Variants in HOMER2 observed in about 807,000 individuals in gnomAD.
HOMER2 encodes the protein homer protein homolog 2.
Under a neutral mutation model 47.0 loss-of-function variants are expected in HOMER2, and 27 were observed. The observed-to-expected ratio is 0.57, with a 90% confidence interval of 0.42 to 0.79. The LOEUF (loss-of-function observed/expected upper bound fraction) is 0.79. Ranked by LOEUF, HOMER2 falls within the 30% of genes least tolerant of loss-of-function variation. The pLI, the probability that HOMER2 is intolerant of heterozygous loss-of-function variation, is 0.00. For missense variants in HOMER2, 443 were observed against 435.0 expected (o/e 1.02, Z -0.16); for synonymous variants, 161 against 163.8 (o/e 0.98, Z 0.13).
At chr15:82,843,784 T>C (rs1312509032) in exon 2 of HOMER2, 1 of 152,178 alleles carries the variant, frequency 6.6e-6, no homozygotes, top group Non-Finnish European at 1.5e-5. Context: ...GGTGGGAGTA[T>C]AATTGGGTCT....
intron 3 of HOMER2, among the ~76,000 whole-genome samples, 189 bp from the exon 4 acceptor site, chr15:82,864,448 C>A (rs139297410): frequency 1.3e-5 from 2 of 152,168 alleles, no homozygotes; most frequent in Non-Finnish European, 2.9e-5. Context: ...AAGGTCAGTT[C>A]TGAACCCATA....
At chr15:82,860,948 A>AG (rs1180962609) in intron 4 of HOMER2, among the ~76,000 whole-genome samples, 7 of 141,588 alleles carry the variant, frequency 4.9e-5, no homozygotes, top group Middle Eastern at 3.6e-3. Context: ...AAGATAGAAG[A>AG]TAGAAGATGA....
intron 1 of HOMER2, among the ~76,000 whole-genome samples, chr15:82,972,061 C>T (rs2030008127): frequency 6.6e-6 from 1 of 152,188 alleles, no homozygotes; most frequent in Admixed American, 6.5e-5. Context: ...AATTTACCTA[C>T]CATAAAATTC....
intron 1 of HOMER2, among the ~76,000 whole-genome samples, chr15:82,976,319 G>C (rs977371330): frequency 6.6e-6 from 1 of 151,530 alleles, no homozygotes; most frequent in Non-Finnish European, 1.5e-5. Flanking sequence ...TTATTTTTGA[G>C]ACGGAGTCCG....
intron 1 of HOMER2, among the ~76,000 whole-genome samples, chr15:82,894,453 C>T (rs1567038088): frequency 6.6e-6 from 1 of 152,004 alleles, no homozygotes; most frequent in Admixed American, 6.6e-5. Flanking sequence ...TTGCGGATCA[C>T]GAGGTCAGGA....
At chr15:82,918,698 C>T (rs1340546047) in intron 1 of HOMER2, among the ~76,000 whole-genome samples, 1 of 152,276 alleles carries the variant, frequency 6.6e-6, no homozygotes. Flanking sequence ...TTCAGTGACT[C>T]ACACCACTGG....
intron 5 of HOMER2, among the ~76,000 whole-genome samples, chr15:82,857,931 G>A (rs1230101653): frequency 6.6e-6 from 1 of 152,186 alleles, no homozygotes; most frequent in Non-Finnish European, 1.5e-5. Context: ...CACCGCTCAT[G>A]CAGTAAATTA....
intron 1 of HOMER2, among the ~76,000 whole-genome samples, chr15:82,944,852 G>A (rs2054341128): frequency 6.6e-6 from 1 of 152,056 alleles, no homozygotes; most frequent in South Asian, 2.1e-4. Flanking sequence ...CTCTTTGAAG[G>A]AGGGGGTGTG....
intron 1 of HOMER2, among the ~76,000 whole-genome samples, chr15:82,912,255 C>T (rs945656960): frequency 6.6e-6 from 1 of 152,172 alleles, no homozygotes; most frequent in Non-Finnish European, 1.5e-5. Context: ...TCCTCTTCCC[C>T]CAGCCCCTAG....
chr15:82,896,960 C>T (rs1469874308), intron 1 of HOMER2, among the ~76,000 whole-genome samples: 1 of 151,960 alleles, frequency 6.6e-6, no homozygotes, highest in Non-Finnish European at 1.5e-5. Context: ...TGCAACAATC[C>T]TACAGGGAAG....
At chr15:82,932,881 C>T (rs911175505) in intron 1 of HOMER2, among the ~76,000 whole-genome samples, 1 of 152,146 alleles carries the variant, frequency 6.6e-6, no homozygotes, top group African/African-American at 2.4e-5. Context: ...CTCTTAGGCT[C>T]CCTCAGATGC....
At chr15:82,950,062 C>A (rs1349620610) in intron 1 of HOMER2, among the ~76,000 whole-genome samples, 1 of 152,118 alleles carries the variant, frequency 6.6e-6, no homozygotes, top group Non-Finnish European at 1.5e-5. Context: ...TCCAGCACAG[C>A]AGGCAGGTAG....
intron 1 of HOMER2, among the ~76,000 whole-genome samples, chr15:82,977,745 A>T (rs2030255136): frequency 6.6e-6 from 1 of 152,240 alleles, no homozygotes; most frequent in African/African-American, 2.4e-5. Context: ...TTATCTGATA[A>T]AAGGGAGTCC....
At chr15:82,974,065 T>C (rs2030107563) in intron 1 of HOMER2, among the ~76,000 whole-genome samples, 1 of 151,858 alleles carries the variant, frequency 6.6e-6, no homozygotes, top group Non-Finnish European at 1.5e-5. Flanking sequence ...GCCACTGCAC[T>C]CCAGCCTGGG....
At chr15:82,898,162 C>G (rs2052996944) in intron 1 of HOMER2, among the ~76,000 whole-genome samples, 1 of 152,204 alleles carries the variant, frequency 6.6e-6, no homozygotes, top group Non-Finnish European at 1.5e-5. Flanking sequence ...TGGGCAAAAT[C>G]CAAACAGAGA....
Position 82,963,480 on chromosome 15 carries a change from T to C in HOMER2, n.83-4172A>G, listed in dbSNP as rs972636513. On this transcript the variant is annotated intron_variant and non_coding_transcript_variant, in intron 1 of 1. Coordinates refer to the HOMER2 transcript ENST00000500334. ...TAGGAAACAAAAGCACTAGAAGGAATAGACTGAGCCCATTACTACTGAGTA... is the reference window on the plus strand; with the variant it reads ...TAGGAAACAAAAGCACTAGAAGGAACAGACTGAGCCCATTACTACTGAGTA... 4.6e-5 allele frequency among the ~76,000 whole-genome samples: 7 copies of C among 152,242 alleles called. No homozygotes were observed. In the East Asian group the frequency reaches 1.4e-3, roughly 29 times the overall value.
chr15:82,909,416 T>C (rs1026412642), intron 1 of HOMER2, among the ~76,000 whole-genome samples: 1 of 152,188 alleles, frequency 6.6e-6, no homozygotes, highest in African/African-American at 2.4e-5. Context: ...AAGCTAATTC[T>C]GATTGGCTAT....
intron 2 of HOMER2, among the ~76,000 whole-genome samples, chr15:82,891,095 G>A (rs2052690276): frequency 6.6e-6 from 1 of 152,158 alleles, no homozygotes. Context: ...TGCTTAGGCA[G>A]AAAGACCAGT....
At chr15:82,865,258 A>G (rs1380147149) in intron 3 of HOMER2, among the ~76,000 whole-genome samples, 2 of 152,206 alleles carry the variant, frequency 1.3e-5, no homozygotes, top group African/African-American at 4.8e-5. Context: ...TGTTGCTTAA[A>G]ACACGAGGTC....
Sources: gnomAD v4.1 joint callset for allele counts (sites outside exome capture counted in the v4.1 genomes callset) on GRCh38, gnomAD v4.1.1 for gene constraint, MANE v1.5 for transcripts, NCBI Gene and HGNC (gene_info 2026-07-23, HGNC 2026-07-21) for gene names.